ABCG5: variants seen among roughly 807,000 people sequenced by gnomAD.
The protein encoded by ABCG5 is ATP binding cassette subfamily G member 5.
Under a neutral mutation model 64.5 loss-of-function variants are expected in ABCG5, and 64 were observed. The observed-to-expected ratio is 0.99, with a 90% CI of 0.81 to 1.22. ABCG5 has a LOEUF of 1.22. Among genes scored for constraint, ABCG5 ranks in the 50% most tolerant of loss-of-function variants. ABCG5 has a pLI of 0.00. For missense variants in ABCG5, 908 were observed against 829.5 expected (o/e 1.09, Z -1.16); for synonymous variants, 385 against 326.3 (o/e 1.18, Z -1.94).
intron 11 of ABCG5, among the ~76,000 whole-genome samples, chr2:43,816,226 C>G (rs181390020): frequency 1.3e-5 from 2 of 152,248 alleles, no homozygotes; most frequent in African/African-American, 4.8e-5. Context: ...CTAATTGGTC[C>G]AAGGCCTAAT....
In ABCG5 at chr2:43,833,935, C is replaced by T. The variant is rs571707890; in HGVS notation, c.266-1852G>A. Reference sequence around the variant, plus strand: ...CTGACCACAGGTGATCCGCCCGCCTCGGCCTCCCAAGGTGCTGGGATTACA... The same window carrying T: ...CTGACCACAGGTGATCCGCCCGCCTTGGCCTCCCAAGGTGCTGGGATTACA... On this transcript the variant is annotated intron_variant, in intron 2 of 12. Coordinates refer to ENST00000405322, the MANE Select transcript of ABCG5 (RefSeq NM_022436.3). 3.0e-4 allele frequency among the ~76,000 whole-genome samples: 46 copies of T among 152,334 alleles called. 1 individual carries two copies. The highest frequency in any genetic ancestry group is 1.1e-3 in the African/African-American group (44 of 41,580).
chr2:43,825,078 G>A (rs1227438815), intron 6 of ABCG5, 60 bp from the exon 7 acceptor site: 13 of 1,596,638 alleles, frequency 8.1e-6, no homozygotes, highest in Non-Finnish European at 1.0e-5. Flanking sequence ...CACTTTGAAT[G>A]TCTCTGGGAA....
intron 2 of ABCG5, among the ~76,000 whole-genome samples, chr2:43,835,243 GCCTTTGGGGTGC>G: frequency 2.0e-5 from 1 of 49,626 alleles, no homozygotes; most frequent in East Asian, 7.1e-3. Context: ...CACAACATTG[GCCTTTGGGGTGC>G]ACTTCTGAGC....
At position 43,834,506 on chromosome 2, in the gene ABCG5, C is replaced by CT. The variant is rs201600743; in HGVS notation, c.266-2424dup. ...TTTTAAGCCACTAAATTTTGGGATA[C>CT]TTTTTTTTTTATAATAATGAATTTA... is the stretch of plus-strand genomic sequence containing the variant. On this transcript the variant is annotated intron_variant, in intron 2 of 12. Transcript: ENST00000405322. Among the ~76,000 whole-genome samples the CT allele has an allele frequency of 9.4e-5, 14 of 149,460 alleles. No homozygotes were observed. The South Asian group carries it at 1.3e-3, about 14-fold the overall frequency.
At chr2:43,808,719 A>G (rs565520476), downstream of ABCG5, among the ~76,000 whole-genome samples, 11 of 152,256 alleles carry the variant, frequency 7.2e-5, no homozygotes, top group South Asian at 1.7e-3. Context: ...CCCTCTCCCT[A>G]TCTGTGTGCT....
Position 43,817,757 on chromosome 2 carries a change from A to G in ABCG5, c.1649+2158T>C, listed in dbSNP as rs184066132. On this transcript the variant is annotated intron_variant, in intron 11 of 12. Transcript: ENST00000405322. ...AAACCACGTCTCTACTAAAAATACA[A>G]AAATTAGCCAGGTGTAATGGCAGGC... 1.3e-3 allele frequency among the ~76,000 whole-genome samples: 195 copies of G among 152,106 alleles called. 2 individuals carry two copies. The highest frequency in any genetic ancestry group is 4.4e-3 in the African/African-American group (184 of 41,508).
intron 6 of ABCG5, among the ~76,000 whole-genome samples, chr2:43,825,990 G>A (rs950749422): frequency 6.7e-6 from 1 of 149,152 alleles, no homozygotes; most frequent in Non-Finnish European, 1.5e-5. Context: ...TTGTTTGTTT[G>A]TTTGAGATGA....
chr2:43,821,335 T>G (rs1048011608), intron 10 of ABCG5, among the ~76,000 whole-genome samples: 3 of 152,240 alleles, frequency 2.0e-5, no homozygotes, highest in African/African-American at 7.2e-5. Context: ...TTTAACCTTC[T>G]TGATGAGCCA....
intron 2 of ABCG5, 136 bp from the exon 3 acceptor site, chr2:43,832,219 A>T: frequency 1.6e-6 from 2 of 1,245,052 alleles, no homozygotes. Context: ...GGTGTTAAGG[A>T]CACAGCAGGA....
intron 2 of ABCG5, among the ~76,000 whole-genome samples, chr2:43,835,035 C>T (rs1160446362): frequency 1.3e-5 from 2 of 152,214 alleles, no homozygotes; most frequent in African/African-American, 4.8e-5. Flanking sequence ...CACTACGTGA[C>T]CGACCCTGTT....
In ABCG5 at chr2:43,826,423, C is replaced by T. The variant is rs774899900; in HGVS notation, c.733G>A (p.Val245Met). The change falls in exon 6 of 13, where the codon GTG becomes ATG. Residue 245 changes from valine to methionine, a missense_variant. Transcript: ENST00000405322. ...CGGGGCTGGTGAATGGTGAGAACCACAATTCGGTTCCTGCGAGCCAGTTCC... is the reference window on the plus strand; with the variant it reads ...CGGGGCTGGTGAATGGTGAGAACCATAATTCGGTTCCTGCGAGCCAGTTCC... Reference protein sequence around the residue: ...LVELARRNRIVVLTIHQPRSE... With the variant: ...LVELARRNRIMVLTIHQPRSE... 1 of 1,614,072 alleles carries T rather than the reference C, an allele frequency of 6.2e-7. No homozygotes were observed. The highest frequency in any genetic ancestry group is 1.1e-5 in the South Asian group (1 of 91,086).
intron 2 of ABCG5, among the ~76,000 whole-genome samples, chr2:43,833,930 C>G (rs1043213369): frequency 6.6e-6 from 1 of 152,204 alleles, no homozygotes; most frequent in African/African-American, 2.4e-5. Context: ...GTGATCCGCC[C>G]GCCTCGGCCT....
At chr2:43,822,577 T>C (rs1667298718) in intron 10 of ABCG5, 4 of 984,858 alleles carry the variant, frequency 4.1e-6, no homozygotes, top group African/African-American at 3.5e-5. Flanking sequence ...CAGGCACATG[T>C]CATCTTGTTG....
chr2:43,837,695 G>C (rs548456987), intron 2 of ABCG5, 139 bp downstream of exon 2: 3 of 1,162,270 alleles, frequency 2.6e-6, no homozygotes, highest in Admixed American at 1.7e-5. Context: ...ATTGGTAGCA[G>C]TTCCATTCAC....
upstream of ABCG5, chr2:43,838,891 C>A: frequency 8.6e-7 from 1 of 1,168,064 alleles, no homozygotes; most frequent in Non-Finnish European, 1.2e-6. This position sits in a 1 kb window ranked among gnomAD's most constrained non-coding sequence, Gnocchi z 4.2. Context: ...AGAACACACA[C>A]GTTTGTAGGT....
At chr2:43,826,624 TCAAA>T in intron 5 of ABCG5, 103 bp from the exon 6 acceptor site, 1 of 1,541,224 alleles carries the variant, frequency 6.5e-7, no homozygotes, top group Non-Finnish European at 8.9e-7. Context: ...TGTACCCCAT[TCAAA>T]CAGTGTGCGG....
Position 43,822,929 on chromosome 2 carries a change from A to G in ABCG5, c.1331T>C (p.Val444Ala). ...GMLNAVNLFPVLRAVSDQESQ... is the reference protein window; with the variant it reads ...GMLNAVNLFPALRAVSDQESQ... ...CTCCTGGTCGCTGACAGCTCGCAGC[A>G]CGGGAACTGGGGATGGAAGGCAGGT... is the stretch of plus-strand genomic sequence containing the variant. Residue 444 changes from valine (V) to alanine (A), a missense_variant, in exon 10 of 13, where the codon GTG becomes GCG. Physicochemically the swap from Val to Ala is moderately conservative, Grantham distance 64 (BLOSUM62 0). Coordinates refer to ENST00000405322, the MANE Select transcript of ABCG5 (RefSeq NM_022436.3). 3 of 1,613,884 alleles carry G rather than the reference A, an allele frequency of 1.9e-6. No individual in the cohort carries two copies. Among genetic ancestry groups the G allele is most frequent in the Non-Finnish European group, 2.5e-6 (3 of 1,179,948 alleles).
In ABCG5 at chr2:43,814,538, G is replaced by A. The variant is rs1052639205; in HGVS notation, c.1701C>T (p.Phe567=). The A allele has an allele frequency of 6.2e-7, 1 of 1,609,766 alleles. No homozygotes were observed. Among genetic ancestry groups the A allele is most frequent in the Non-Finnish European group, 8.5e-7 (1 of 1,176,854 alleles). ...CAAGAATCTCACTGCAATATTTTTG[G>A]AATGTAAAATAACTGATGATTTTAA... ...IPFKIISYFT[F]QKYCSEILVV... is the part of the protein sequence containing the mutation. Residue 567 remains phenylalanine (F), a synonymous_variant, in exon 12 of 13, where the codon TTC becomes TTT. Transcript: ENST00000405322.
At chr2:43,824,581 C>T (rs1667473033) in intron 7 of ABCG5, 149 bp from the exon 8 acceptor site, 1 of 1,540,024 alleles carries the variant, frequency 6.5e-7, no homozygotes, top group Non-Finnish European at 8.7e-7. Flanking sequence ...AATCAGAATA[C>T]TTTAAAGCAT....
Sources: gnomAD v4.1 joint callset for allele counts (sites outside exome capture counted in the v4.1 genomes callset) on GRCh38, gnomAD v4.1.1 for gene constraint, Gnocchi (gnomAD v3.1) non-coding constraint, MANE v1.5 for transcripts, NCBI Gene and HGNC (gene_info 2026-07-23, HGNC 2026-07-21) for gene names.